The following FAM13A variants were observed in gnomAD, a reference collection of about 807,000 sequenced individuals.
The protein encoded by FAM13A is family with sequence similarity 13 member A.
Under a neutral mutation model 129.6 loss-of-function variants are expected in FAM13A, and 76 were observed. The ratio of observed to expected loss-of-function variants is 0.59; its 90% confidence interval spans 0.49 to 0.71. FAM13A has a LOEUF of 0.71. Among genes scored for constraint, FAM13A ranks in the 30% least tolerant of loss-of-function variants. The probability of loss-of-function intolerance (pLI) is 0.00; values close to 1 mark genes in which losing one functional copy is unlikely to be tolerated. For synonymous variants in FAM13A, 443 were observed against 449.9 expected, an observed-to-expected ratio of 0.98 and a Z score of 0.20; for missense variants, 1,108 against 1,249.3, an observed-to-expected ratio of 0.89 and a Z score of 1.70.
chr4:88,728,514 C>CTGTGCTTGGCCATGCCCCTCACA lies in FAM13A; in HGVS notation c.3068_*18dup, dbSNP rs1560817438. On this transcript the variant is annotated 3_prime_UTR_variant, in exon 24 of 24. Coordinates refer to ENST00000264344, the MANE Select transcript of FAM13A (RefSeq NM_014883.4). ...AACTCTCACCGCAGCTGCCAGCCCC[C>CTGTGCTTGGCCATGCCCCTCACA]TGTGCTTGGCCATGCCCCTCACATG... 2 of 1,613,942 alleles carry CTGTGCTTGGCCATGCCCCTCACA rather than the reference C, an allele frequency of 1.2e-6. No homozygotes were observed. The highest frequency in any genetic ancestry group is 1.7e-5 in the Admixed American group (1 of 60,028).
rs548008292 is a variant in FAM13A at position 88,836,828 on chromosome 4, C to T, written c.1007+14192G>A. ...TACAACAATTAGCCGGGCATGGTGG[C>T]GGGTGTTTGTAATCCCAGCTATTTG... On this transcript the variant is annotated intron_variant, in intron 7 of 23. Coordinates refer to ENST00000264344, the MANE Select transcript of FAM13A (RefSeq NM_014883.4). Among the ~76,000 whole-genome samples, 15 of 151,590 alleles carry T rather than the reference C, an allele frequency of 9.9e-5. No individual in the cohort carries two copies. The South Asian group carries it at 1.0e-3, about 11-fold the overall frequency.
intron 7 of FAM13A, among the ~76,000 whole-genome samples, chr4:88,814,965 T>C (rs1730425479): frequency 1.3e-5 from 2 of 152,026 alleles, no homozygotes; most frequent in African/African-American, 2.4e-5. Flanking sequence ...CTACCTCAGC[T>C]TGTAGGTAGG....
At chr4:88,789,646 G>A (rs1724706912) in intron 9 of FAM13A, among the ~76,000 whole-genome samples, 1 of 152,178 alleles carries the variant, frequency 6.6e-6, no homozygotes, top group Admixed American at 6.6e-5. Context: ...TGACAGACAA[G>A]TTCCTTGTAT....
At chr4:88,911,088 CTG>C (rs1561312275) in intron 5 of FAM13A, among the ~76,000 whole-genome samples, 1 of 152,238 alleles carries the variant, frequency 6.6e-6, no homozygotes, top group Non-Finnish European at 1.5e-5. Flanking sequence ...ACTGAGTAAA[CTG>C]AATGAATAAA....
chr4:89,004,904 G>T (rs1458378649), intron 3 of FAM13A, among the ~76,000 whole-genome samples: 1 of 151,580 alleles, frequency 6.6e-6, no homozygotes, highest in African/African-American at 2.4e-5. Context: ...AAGCTTTCTA[G>T]AAATTTTTTT....
chr4:88,761,197 T>C (rs919858462), intron 13 of FAM13A, among the ~76,000 whole-genome samples: 2 of 152,170 alleles, frequency 1.3e-5, no homozygotes. Context: ...CAAAGTTCTT[T>C]TGAAGATCTG....
chr4:88,838,706 G>A (rs1026179211), intron 7 of FAM13A, among the ~76,000 whole-genome samples: 15 of 148,732 alleles, frequency 1.0e-4, no homozygotes, highest in African/African-American at 3.2e-4. Context: ...CAGCCTGGGC[G>A]ACAGAGCAAG....
At chr4:88,739,386 G>GTTCCTGC (rs1030624259) in intron 19 of FAM13A, among the ~76,000 whole-genome samples, 3 of 152,010 alleles carry the variant, frequency 2.0e-5, no homozygotes, top group Non-Finnish European at 4.4e-5. Flanking sequence ...TCATTCTTAG[G>GTTCCTGC]TTCCTGCTTC....
intron 5 of FAM13A, among the ~76,000 whole-genome samples, chr4:88,921,104 G>A (rs1451872322): frequency 6.6e-6 from 1 of 152,140 alleles, no homozygotes; most frequent in Non-Finnish European, 1.5e-5. Flanking sequence ...CGGGGAGAAT[G>A]GAACCAAGTT....
In FAM13A at chr4:89,019,761, CAA is replaced by C. The variant is rs61682568; in HGVS notation, c.427+697_427+698del. 0.015 allele frequency among the ~76,000 whole-genome samples: 847 copies of C among 57,748 alleles called. 33 individuals are homozygous for C. In the South Asian group the frequency reaches 0.28, roughly 19 times the overall value. The allele number at this position is 57,748 out of a possible 152,430, so 37.9% of individuals were successfully genotyped here. ...GGGTGACAAGAGTGAAACTACATCTCAAAAAAAAAAAAAAAAAAAAGCAAGTT... is the reference window on the plus strand; with the variant it reads ...GGGTGACAAGAGTGAAACTACATCTCAAAAAAAAAAAAAAAAAAGCAAGTT... On this transcript the variant is annotated intron_variant, in intron 3 of 23. Transcript: ENST00000264344.
In FAM13A at chr4:88,744,740, T is replaced by C. The variant is rs115660260; in HGVS notation, c.2466+2192A>G. ...AGAATTAAAAGTTGACTCTTTGATT[T>C]TTTTTCAGACTGGCCAGATATCAAA... On this transcript the variant is annotated intron_variant, in intron 19 of 23. Transcript: ENST00000264344. Among the ~76,000 whole-genome samples, 760 of 152,324 alleles carry C rather than the reference T, an allele frequency of 5.0e-3. 6 individuals carry two copies. Among genetic ancestry groups the C allele is most frequent in the African/African-American group, 0.017 (698 of 41,566 alleles).
chr4:88,916,660 T>C (rs1349166080), intron 5 of FAM13A, among the ~76,000 whole-genome samples: 1 of 152,200 alleles, frequency 6.6e-6, no homozygotes, highest in Non-Finnish European at 1.5e-5. Flanking sequence ...TGCTGTTACT[T>C]CTGCTTAGAC....
intron 11 of FAM13A, among the ~76,000 whole-genome samples, chr4:88,777,197 C>T (rs376206204): frequency 3.9e-5 from 6 of 151,980 alleles, no homozygotes; most frequent in East Asian, 3.9e-4. Flanking sequence ...GTTTTTATGC[C>T]GGTGTCAGGT....
chr4:88,959,139 G>T (rs1391565532), intron 4 of FAM13A, among the ~76,000 whole-genome samples: 1 of 152,204 alleles, frequency 6.6e-6, no homozygotes, highest in African/African-American at 2.4e-5. Flanking sequence ...GACATGCCTT[G>T]TCTCAGATGA....
chr4:88,727,603 C>T lies in FAM13A; in HGVS notation c.*930G>A, dbSNP rs1578379992. Reference sequence around the variant, plus strand: ...CTGAGAACACAGGCCCCTTCTCTCCCCGATCCTCTGTATGCAGGCTGACTT... The same window carrying T: ...CTGAGAACACAGGCCCCTTCTCTCCTCGATCCTCTGTATGCAGGCTGACTT... On this transcript the variant is annotated 3_prime_UTR_variant, in exon 24 of 24. Transcript: ENST00000264344. 1 of 152,440 alleles carries T rather than the reference C, an allele frequency of 6.6e-6. No individual in the cohort carries two copies. Among genetic ancestry groups the T allele is most frequent in the African/African-American group, 2.4e-5 (1 of 41,406 alleles). The allele number at this position is 152,440 out of a possible 1,614,324, so 9.4% of individuals were successfully genotyped here.
At chr4:88,786,739 T>C (rs1336354856) in intron 10 of FAM13A, among the ~76,000 whole-genome samples, 1 of 152,114 alleles carries the variant, frequency 6.6e-6, no homozygotes, top group Non-Finnish European at 1.5e-5. Flanking sequence ...GCATGAAACT[T>C]ATTTATACTG....
intron 1 of FAM13A, among the ~76,000 whole-genome samples, chr4:89,050,618 C>CTG (rs1771464365): frequency 6.6e-6 from 1 of 151,958 alleles, no homozygotes; most frequent in Admixed American, 6.6e-5. Context: ...TGGGATGAAT[C>CTG]TGATACCAAA....
chr4:88,753,960 C>T (rs1339800673), intron 14 of FAM13A, among the ~76,000 whole-genome samples: 1 of 152,170 alleles, frequency 6.6e-6, no homozygotes, highest in African/African-American at 2.4e-5. Context: ...TATATTTTAA[C>T]TAGCAATTCT....
chr4:88,822,346 G>A (rs555243070), intron 7 of FAM13A, among the ~76,000 whole-genome samples: 1 of 151,764 alleles, frequency 6.6e-6, no homozygotes, highest in Non-Finnish European at 1.5e-5. Context: ...TAACTCCTTC[G>A]CCTCCCCCCA....
Sources: gnomAD v4.1 joint callset for allele counts (sites outside exome capture counted in the v4.1 genomes callset) on GRCh38, gnomAD v4.1.1 for gene constraint, MANE v1.5 for transcripts, NCBI Gene and HGNC (gene_info 2026-07-23, HGNC 2026-07-21) for gene names.